Variants in KLHL42 observed in about 807,000 individuals in gnomAD.
KLHL42 encodes the protein kelch-like protein 42.
Under a neutral mutation model 32.7 loss-of-function variants are expected in KLHL42, and 27 were observed. The observed-to-expected ratio is 0.83, with a 90% CI of 0.61 to 1.14. The LOEUF is 1.14. Among genes scored for constraint, KLHL42 ranks in the 50% most tolerant of loss-of-function variants. The probability of loss-of-function intolerance (pLI) is 0.00; values close to 1 mark genes in which losing one functional copy is unlikely to be tolerated. For missense variants in KLHL42, 491 were observed against 560.8 expected (o/e 0.88, Z 1.26); for synonymous variants, 267 against 248.2 (o/e 1.08, Z -0.71).
intron 1 of KLHL42, among the ~76,000 whole-genome samples, chr12:27,790,309 A>AT (rs34076605): frequency 0.42 from 63,689 of 152,018 alleles, 15,409 homozygotes; most frequent in Non-Finnish European, 0.54. Context: ...GATGGCTGTT[A>AT]CCCCATTTTA....
chr12:27,781,976 A>G, intron 1 of KLHL42, among the ~76,000 whole-genome samples: 1 of 152,244 alleles, frequency 6.6e-6, no homozygotes, highest in East Asian at 1.9e-4. Flanking sequence ...TCAAAACAAG[A>G]GCAAAGAGCA....
rs2062254632 is a variant in KLHL42, at chr12:27,802,892, G to A, written c.*4726G>A. The A allele has an allele frequency of 1.3e-5, 2 of 152,380 alleles. No homozygotes were observed. The highest frequency in any genetic ancestry group is 2.1e-4 in the South Asian group (1 of 4,826). The allele number at this position is 152,380 out of a possible 1,614,324, so 9.4% of individuals were successfully genotyped here. A position where few individuals can be genotyped will look rare whatever the true frequency, so the allele number is the denominator to read the frequency against. ...TTTCTTTGTTAAAAGGTTGTATTAA[G>A]TCTTCAATTTCAAGTCTAGCTTAAA... is the stretch of plus-strand genomic sequence containing the variant. On this transcript the variant is annotated 3_prime_UTR_variant, in exon 3 of 3. Transcript: ENST00000381271.
Position 27,798,917 on chromosome 12 carries a change from ATTG to A in KLHL42, c.*754_*756del, listed in dbSNP as rs2062231826. ...TAGGTTGCACTGCTAGGCATTCTGTATTGTTTTAAAGAGGATATATTATTTAGA... is the reference window on the plus strand; with the variant it reads ...TAGGTTGCACTGCTAGGCATTCTGTATTTTAAAGAGGATATATTATTTAGA... On this transcript the variant is annotated 3_prime_UTR_variant, in exon 3 of 3. Coordinates refer to ENST00000381271, the MANE Select transcript of KLHL42 (RefSeq NM_020782.2). 6.6e-6 allele frequency: 1 copy of A among 152,454 alleles called. No individual in the cohort carries two copies. The highest frequency in any genetic ancestry group is 1.5e-5 in the Non-Finnish European group (1 of 68,016). 9.4% of individuals were successfully genotyped at this position (152,454 alleles called of 1,614,324 possible).
Position 27,780,802 on chromosome 12 carries a change from C to G in KLHL42, c.472C>G (p.His158Asp). 6.2e-7 allele frequency: 1 copy of G among 1,613,766 alleles called. No homozygotes were observed. ...CCTGCGCTTCATGGTCGTCCACTTCCACGAGGTGCTGTGCAAGCCCCAGTT... is the reference window on the plus strand; with the variant it reads ...CCTGCGCTTCATGGTCGTCCACTTCGACGAGGTGCTGTGCAAGCCCCAGTT... ...ACLRFMVVHF[H>D]EVLCKPQFHL... The change falls in exon 1 of 3, where the codon CAC becomes GAC. Residue 158 changes from histidine to aspartate, a missense_variant. Physicochemically the swap from His to Asp is moderately conservative, Grantham distance 81. Around this residue, in one of 4 missense-constraint regions of KLHL42, gnomAD observed 248 missense variants for 329.2 expected, o/e 0.75. Transcript: ENST00000381271. The surrounding 1 kb of genome is among the most constrained non-coding windows in gnomAD (Gnocchi z 8.8).
intron 1 of KLHL42, among the ~76,000 whole-genome samples, chr12:27,782,380 A>G (rs1404305168): frequency 6.6e-6 from 1 of 152,208 alleles, no homozygotes; most frequent in African/African-American, 2.4e-5. Context: ...AAAAGAATGA[A>G]GAAGCAAAAA....
chr12:27,785,444 G>C (rs1391123650), intron 1 of KLHL42, among the ~76,000 whole-genome samples: 2 of 151,982 alleles, frequency 1.3e-5, no homozygotes, highest in Admixed American at 6.6e-5. Context: ...CCTGGCCTCA[G>C]GTAATCCTCC....
intron 1 of KLHL42, among the ~76,000 whole-genome samples, chr12:27,790,574 T>C (rs186237510): frequency 3.3e-5 from 5 of 152,324 alleles, no homozygotes; most frequent in African/African-American, 9.6e-5. Context: ...AGTTCAAAAA[T>C]CATAAGACTT....
At chr12:27,784,054 C>A (rs2062160546) in intron 1 of KLHL42, among the ~76,000 whole-genome samples, 1 of 151,748 alleles carries the variant, frequency 6.6e-6, no homozygotes, top group Non-Finnish European at 1.5e-5. Flanking sequence ...TCTTAGTAGC[C>A]ATATGTGAGT....
rs1435534346 is a variant in KLHL42 at position 27,798,017 on chromosome 12, G to C, written c.1369G>C (p.Asp457His). 2.6e-6 allele frequency: 2 copies of C among 781,074 alleles called. No individual in the cohort carries two copies. The highest frequency in any genetic ancestry group is 2.7e-5 in the South Asian group (2 of 74,624). The allele number at this position is 781,074 out of a possible 1,614,324, so 48.4% of individuals were successfully genotyped here. A position where few individuals can be genotyped will look rare whatever the true frequency, so the allele number is the denominator to read the frequency against. ...CGACGGCATCTACATCATGAGCAGAGACGTCACCCTGTCGACCAGCTTGGA... is the reference window on the plus strand; with the variant it reads ...CGACGGCATCTACATCATGAGCAGACACGTCACCCTGTCGACCAGCTTGGA... ...HNDGIYIMSR[D>H]VTLSTSLEHR... is the part of the protein sequence containing the mutation. Residue 457 changes from aspartate to histidine, a missense_variant, in exon 3 of 3, where the codon GAC becomes CAC. Physicochemically the swap from Asp to His is moderately conservative, Grantham distance 81. This residue lies in a region of KLHL42 where 152 missense variants were observed against 125.9 expected (regional missense o/e 1.21). Coordinates refer to ENST00000381271, the MANE Select transcript of KLHL42 (RefSeq NM_020782.2).
At chr12:27,789,815 GGGCT>G (rs149006498) in intron 1 of KLHL42, among the ~76,000 whole-genome samples, 13 of 151,988 alleles carry the variant, frequency 8.6e-5, no homozygotes, top group Admixed American at 7.9e-4. Context: ...ACAAAAAAGT[GGGCT>G]GGCTGGCTGG....
intron 2 of KLHL42, among the ~76,000 whole-genome samples, chr12:27,796,172 T>C (rs928594867): frequency 6.6e-6 from 1 of 152,234 alleles, no homozygotes; most frequent in Non-Finnish European, 1.5e-5. Context: ...TCTCCAGGCA[T>C]CAGGACATGT....
chr12:27,798,854 T>G lies in KLHL42; in HGVS notation c.*688T>G, dbSNP rs1173663041. 1 of 152,470 alleles carries G rather than the reference T, an allele frequency of 6.6e-6. No homozygotes were observed. Among genetic ancestry groups the G allele is most frequent in the African/African-American group, 2.4e-5 (1 of 41,386 alleles). The allele number at this position is 152,470 out of a possible 1,614,324, so 9.4% of individuals were successfully genotyped here. On this transcript the variant is annotated 3_prime_UTR_variant, in exon 3 of 3. Transcript: ENST00000381271. Reference sequence around the variant, plus strand: ...TAAATAGACTGATAAAACCTCTTATTTTATTTATGTGGCAGGTTGCATATT... The same window carrying G: ...TAAATAGACTGATAAAACCTCTTATGTTATTTATGTGGCAGGTTGCATATT...
At chr12:27,785,755 A>G (rs144723674) in intron 1 of KLHL42, among the ~76,000 whole-genome samples, 62 of 152,178 alleles carry the variant, frequency 4.1e-4, no homozygotes, top group South Asian at 4.1e-4. Flanking sequence ...GTATAGCCCT[A>G]CTCCTAACAA....
intron 1 of KLHL42, among the ~76,000 whole-genome samples, chr12:27,783,037 C>T (rs1461304442): frequency 6.6e-6 from 1 of 152,126 alleles, no homozygotes; most frequent in East Asian, 1.9e-4. Flanking sequence ...CAAAAATCCC[C>T]ATATAACTTT....
chr12:27,781,156 C>T lies in KLHL42; in HGVS notation c.826C>T (p.Pro276Ser). 6.2e-7 allele frequency: 1 copy of T among 1,614,062 alleles called. No homozygotes were observed. Among genetic ancestry groups the T allele is most frequent in the East Asian group, 2.2e-5 (1 of 44,888 alleles). The change falls in exon 1 of 3, where the codon CCC becomes TCC. Residue 276 changes from proline (P) to serine (S), a missense_variant. Around this residue, in one of 4 missense-constraint regions of KLHL42, gnomAD observed 248 missense variants for 329.2 expected, o/e 0.75. Transcript: ENST00000381271. ...GATCTCCGCTGCGCATTCCTACAACCCCAGCACCAACGAGTGGCTCCAGGT... is the reference window on the plus strand; with the variant it reads ...GATCTCCGCTGCGCATTCCTACAACTCCAGCACCAACGAGTGGCTCCAGGT... Reference protein sequence around the residue: ...QEISAAHSYNPSTNEWLQVAS... With the variant: ...QEISAAHSYNSSTNEWLQVAS...
At chr12:27,797,226 A>G in intron 2 of KLHL42, 1 of 456,128 alleles carries the variant, frequency 2.2e-6, no homozygotes, top group South Asian at 1.5e-5. Flanking sequence ...CTGACTTGTA[A>G]CGTTGTGTCC....
chr12:27,786,050 C>T (rs1425783238), intron 1 of KLHL42, among the ~76,000 whole-genome samples: 1 of 152,152 alleles, frequency 6.6e-6, no homozygotes, highest in Non-Finnish European at 1.5e-5. Flanking sequence ...GGCTGTTAGG[C>T]AGGTTCCCAT....
intron 1 of KLHL42, 52 bp from the exon 2 acceptor site, chr12:27,791,655 CT>C: frequency 1.4e-6 from 2 of 1,462,380 alleles, no homozygotes; most frequent in Non-Finnish European, 9.5e-7. Context: ...CATTGTTACA[CT>C]TTTCATTGAT....
At position 27,798,397 on chromosome 12, in the gene KLHL42, A is replaced by G. The variant is rs1231117261; in HGVS notation, c.*231A>G. 1 of 484,294 alleles carries G rather than the reference A, an allele frequency of 2.1e-6. No individual in the cohort carries two copies. Among genetic ancestry groups the G allele is most frequent in the Admixed American group, 3.8e-5 (1 of 26,398 alleles). The allele number at this position is 484,294 out of a possible 1,614,324, so 30.0% of individuals were successfully genotyped here. A position where few individuals can be genotyped will look rare whatever the true frequency, so the allele number is the denominator to read the frequency against. On this transcript the variant is annotated 3_prime_UTR_variant, in exon 3 of 3. Coordinates refer to ENST00000381271, the MANE Select transcript of KLHL42 (RefSeq NM_020782.2). ...ATTGATTTTTAAATTATGGGAGCAA[A>G]TCCATCTCCAAACATGATACTCTTG...
Sources: allele counts gnomAD v4.1 joint callset (sites outside exome capture counted in the v4.1 genomes callset), GRCh38; gene constraint gnomAD v4.1.1; regional missense constraint gnomAD v4.1.1; non-coding constraint Gnocchi (gnomAD v3.1); transcripts MANE v1.5; gene names NCBI Gene and HGNC (gene_info 2026-07-23, HGNC 2026-07-21).